EGR3: variants seen among roughly 807,000 people sequenced by gnomAD.
EGR3 encodes early growth response protein 3.
A neutral mutation model predicts 22.4 loss-of-function variants in EGR3; 4 were observed. The ratio of observed to expected loss-of-function variants is 0.18; its 90% CI spans 0.09 to 0.41. The LOEUF (loss-of-function observed/expected upper bound fraction) is 0.41, where lower values mean the gene tolerates loss of function less well. Among genes scored for constraint, EGR3 ranks in the 10% least tolerant of loss-of-function variants. EGR3 has a pLI of 1.00. For synonymous variants in EGR3, 219 were observed against 226.8 expected (o/e 0.97, Z 0.31); for missense variants, 315 against 541.3 (o/e 0.58, Z 4.15).
Position 22,690,439 on chromosome 8 carries a change from G to A in EGR3, c.*34C>T, listed in dbSNP as rs1000336113. ...TTCAGGCTAGCAGCCGGGAGGCACTGGAGGGGAAAAGTGGGGATCTGGGGG... is the reference window on the plus strand; with the variant it reads ...TTCAGGCTAGCAGCCGGGAGGCACTAGAGGGGAAAAGTGGGGATCTGGGGG... On this transcript the variant is annotated 3_prime_UTR_variant, in exon 2 of 2. Coordinates refer to ENST00000317216, the MANE Select transcript of EGR3 (RefSeq NM_004430.3). 3.9e-6 allele frequency: 6 copies of A among 1,557,380 alleles called. No homozygotes were observed. The highest frequency in any genetic ancestry group is 5.2e-6 in the Non-Finnish European group (6 of 1,147,874).
chr8:22,693,253 TG>T lies in EGR3; in HGVS notation c.-310del, dbSNP rs1157364122. 19 of 26,180 alleles carry T rather than the reference TG, an allele frequency of 7.3e-4. No individual in the cohort carries two copies. The highest frequency in any genetic ancestry group is 1.1e-3 in the African/African-American group (8 of 7,214). The allele number at this position is 26,180 out of a possible 1,614,324, so 1.6% of individuals were successfully genotyped here. A position where few individuals can be genotyped will look rare whatever the true frequency, so the allele number is the denominator to read the frequency against. On this transcript the variant is annotated 5_prime_UTR_variant, in exon 1 of 2. Coordinates refer to ENST00000317216, the MANE Select transcript of EGR3 (RefSeq NM_004430.3). ...GCGGGGGGTGGGGTGGGGGCTGGGC[TG>T]GGGGGGGATCTCGGCTCAAGGGGGT...
At position 22,689,681 on chromosome 8, in the gene EGR3, G is replaced by A. The variant is rs1486083129; in HGVS notation, c.*792C>T. ...CCTAAGAGGGAAGCGCTCAGAAAAG[G>A]AGGGGTTCTGAGGGGCCAAACCCGA... On this transcript the variant is annotated 3_prime_UTR_variant, in exon 2 of 2. Coordinates refer to ENST00000317216, the MANE Select transcript of EGR3 (RefSeq NM_004430.3). The A allele has an allele frequency of 6.6e-6, 1 of 152,650 alleles. No homozygotes were observed. Among genetic ancestry groups the A allele is most frequent in the Non-Finnish European group, 1.5e-5 (1 of 68,068 alleles). The allele number at this position is 152,650 out of a possible 1,614,324, so 9.5% of individuals were successfully genotyped here.
chr8:22,692,644 T>G lies in EGR3; in HGVS notation c.154+147A>C. ...CCGCAAAATTCCCAGCGCGCCCCCA[T>G]CTCTCCATCCATTTATCTATCCACC... is the stretch of plus-strand genomic sequence containing the variant. On this transcript the variant is annotated intron_variant, in intron 1 of 1. Coordinates refer to ENST00000317216, the MANE Select transcript of EGR3 (RefSeq NM_004430.3). This position sits in a 1 kb window ranked among gnomAD's most constrained non-coding sequence, Gnocchi z 6.2. 6 of 1,395,808 alleles carry G rather than the reference T, an allele frequency of 4.3e-6. No individual in the cohort carries two copies. The highest frequency in any genetic ancestry group is 5.7e-6 in the Non-Finnish European group (6 of 1,056,326). The allele number at this position is 1,395,808 out of a possible 1,614,324, so 86.5% of individuals were successfully genotyped here. A position where few individuals can be genotyped will look rare whatever the true frequency, so the allele number is the denominator to read the frequency against.
In EGR3 at chr8:22,689,811, C is replaced by T. The variant is rs1299780953; in HGVS notation, c.*662G>A. ...CCTCCTCCAGCCACGTGCGGACCCCCAGCATGGGACATCTCCCAGCGGCTT... is the reference window on the plus strand; with the variant it reads ...CCTCCTCCAGCCACGTGCGGACCCCTAGCATGGGACATCTCCCAGCGGCTT... On this transcript the variant is annotated 3_prime_UTR_variant, in exon 2 of 2. Coordinates refer to ENST00000317216, the MANE Select transcript of EGR3 (RefSeq NM_004430.3). 6.5e-6 allele frequency: 1 copy of T among 152,816 alleles called. No homozygotes were observed. The highest frequency in any genetic ancestry group is 1.5e-5 in the Non-Finnish European group (1 of 68,150). 9.5% of individuals were successfully genotyped at this position (152,816 alleles called of 1,614,324 possible). A position where few individuals can be genotyped will look rare whatever the true frequency, so the allele number is the denominator to read the frequency against.
At position 22,692,655 on chromosome 8, in the gene EGR3, A is replaced by T. The variant is rs1195343734; in HGVS notation, c.154+136T>A. On this transcript the variant is annotated intron_variant, in intron 1 of 1. Transcript: ENST00000317216. The surrounding 1 kb of genome is among the most constrained non-coding windows in gnomAD (Gnocchi z 6.2). ...CCAGCGCGCCCCCATCTCTCCATCC[A>T]TTTATCTATCCACCCATCCACCCAT... 6.2e-6 allele frequency: 9 copies of T among 1,445,252 alleles called. No homozygotes were observed. The highest frequency in any genetic ancestry group is 5.5e-6 in the Non-Finnish European group (6 of 1,090,470). The allele number at this position is 1,445,252 out of a possible 1,614,324, so 89.5% of individuals were successfully genotyped here.
intron 1 of EGR3, chr8:22,691,765 C>A (rs887796604): frequency 5.1e-6 from 5 of 985,440 alleles, no homozygotes; most frequent in Non-Finnish European, 6.0e-6. Context: ...CGCGCGCGCG[C>A]GAGAAGCATT....
rs1157605258 is a variant in EGR3, at chr8:22,690,653, C to G, written c.984G>C (p.Thr328=). ...ACTCGCAGGCAAAGGGCTTCTCGCC[C>G]GTATGAGTGCGGATGTGAGTGGTGA... is the stretch of plus-strand genomic sequence containing the variant. ...DHLTTHIRTH[T]GEKPFACEFC... is the part of the protein sequence containing the mutation. Residue 328 remains threonine (T), a synonymous_variant, in exon 2 of 2, where the codon ACG becomes ACC. Coordinates refer to ENST00000317216, the MANE Select transcript of EGR3 (RefSeq NM_004430.3). 4.3e-6 allele frequency: 7 copies of G among 1,614,098 alleles called. No individual in the cohort carries two copies. The highest frequency in any genetic ancestry group is 2.2e-5 in the South Asian group (2 of 91,076).
Position 22,692,441 on chromosome 8 carries a change from GC to G in EGR3, c.154+349del, listed in dbSNP as rs1804004036. On this transcript the variant is annotated intron_variant, in intron 1 of 1. Transcript: ENST00000317216. The surrounding 1 kb of genome is among the most constrained non-coding windows in gnomAD (Gnocchi z 6.2). Reference sequence around the variant, plus strand: ...GCGACAGCACCACGCCTTGCGCGTAGCCCGGCGATCGGGCCCCCTGCGTGGT... The same window carrying G: ...GCGACAGCACCACGCCTTGCGCGTAGCCGGCGATCGGGCCCCCTGCGTGGT... 1 of 1,423,828 alleles carries G rather than the reference GC, an allele frequency of 7.0e-7. No individual in the cohort carries two copies. Among genetic ancestry groups the G allele is most frequent in the African/African-American group, 1.4e-5 (1 of 69,050 alleles). The allele number at this position is 1,423,828 out of a possible 1,614,324, so 88.2% of individuals were successfully genotyped here.
In EGR3 at chr8:22,687,728, T is replaced by C. The variant is rs1003692482; in HGVS notation, c.*2745A>G. On this transcript the variant is annotated 3_prime_UTR_variant, in exon 2 of 2. Coordinates refer to ENST00000317216, the MANE Select transcript of EGR3 (RefSeq NM_004430.3). This position sits in a 1 kb window ranked among gnomAD's most constrained non-coding sequence, Gnocchi z 4.7. Reference sequence around the variant, plus strand: ...ATAAGGAGATTTATAGGCCGGCTGATTGTCAGCAAACACAATATATTTACT... The same window carrying C: ...ATAAGGAGATTTATAGGCCGGCTGACTGTCAGCAAACACAATATATTTACT... 2.0e-5 allele frequency: 3 copies of C among 152,670 alleles called. No homozygotes were observed. Among genetic ancestry groups the C allele is most frequent in the African/African-American group, 4.8e-5 (2 of 41,454 alleles). The allele number at this position is 152,670 out of a possible 1,614,324, so 9.5% of individuals were successfully genotyped here. A position where few individuals can be genotyped will look rare whatever the true frequency, so the allele number is the denominator to read the frequency against.
rs1803888435 is a variant in EGR3 at position 22,689,974 on chromosome 8, C to G, written c.*499G>C. ...ACACACACGCGAGCACGCACACACT[C>G]GCGCGCATCCCCGCACGCAGGCGCG... On this transcript the variant is annotated 3_prime_UTR_variant, in exon 2 of 2. Coordinates refer to ENST00000317216, the MANE Select transcript of EGR3 (RefSeq NM_004430.3). 1.2e-5 allele frequency: 2 copies of G among 168,628 alleles called. No individual in the cohort carries two copies. The highest frequency in any genetic ancestry group is 3.3e-4 in the South Asian group (2 of 6,004). 10.4% of individuals were successfully genotyped at this position (168,628 alleles called of 1,614,324 possible). A position where few individuals can be genotyped will look rare whatever the true frequency, so the allele number is the denominator to read the frequency against.
chr8:22,692,469 A>G lies in EGR3; in HGVS notation c.154+322T>C. On this transcript the variant is annotated intron_variant, in intron 1 of 1. Coordinates refer to ENST00000317216, the MANE Select transcript of EGR3 (RefSeq NM_004430.3). This position sits in a 1 kb window ranked among gnomAD's most constrained non-coding sequence, Gnocchi z 6.2. ...CGGCGATCGGGCCCCCTGCGTGGTGAGGGAGAACCCCAGAGCCGCTCGCAC... is the reference window on the plus strand; with the variant it reads ...CGGCGATCGGGCCCCCTGCGTGGTGGGGGAGAACCCCAGAGCCGCTCGCAC... 7.0e-7 allele frequency: 1 copy of G among 1,423,472 alleles called. No individual in the cohort carries two copies. 88.2% of individuals were successfully genotyped at this position (1,423,472 alleles called of 1,614,324 possible). A position where few individuals can be genotyped will look rare whatever the true frequency, so the allele number is the denominator to read the frequency against.
rs201598642 is a variant in EGR3, at chr8:22,690,516, G to A, written c.1121C>T (p.Ala374Val). 27 of 1,610,146 alleles carry A rather than the reference G, an allele frequency of 1.7e-5. No individual in the cohort carries two copies. Among genetic ancestry groups the A allele is most frequent in the Non-Finnish European group, 9.3e-6 (11 of 1,178,012 alleles). Reference sequence around the variant, plus strand: ...CACGGGGGCCAGCGACACGGGGGGCGCCGAGGATGCAGAGGGTGCACCGCC... The same window carrying A: ...CACGGGGGCCAGCGACACGGGGGGCACCGAGGATGCAGAGGGTGCACCGCC... ...EKGGAPSASS[A>V]PPVSLAPVVT... Residue 374 changes from alanine to valine, a missense_variant, in exon 2 of 2, where the codon GCG becomes GTG. Transcript: ENST00000317216.
Position 22,691,127 on chromosome 8 carries a change from G to T in EGR3, c.510C>A (p.Ala170=), listed in dbSNP as rs1454191877. 1 of 1,614,026 alleles carries T rather than the reference G, an allele frequency of 6.2e-7. No individual in the cohort carries two copies. Among genetic ancestry groups the T allele is most frequent in the Non-Finnish European group, 8.5e-7 (1 of 1,180,032 alleles). Residue 170 remains alanine (A), a synonymous_variant, in exon 2 of 2, where the codon GCC becomes GCA. Coordinates refer to ENST00000317216, the MANE Select transcript of EGR3 (RefSeq NM_004430.3). The stretch of plus-strand genomic sequence containing the variant: ...CCGATTGGTAATCCTGGGGGGAATA[G>T]GCGAGCCCGGGATTGCCCTGGGGGT... ...FHDPQGNPGL[A]YSPQDYQSAK...
chr8:22,692,619 C>G lies in EGR3; in HGVS notation c.154+172G>C. 1 of 1,440,708 alleles carries G rather than the reference C, an allele frequency of 6.9e-7. No homozygotes were observed. Among genetic ancestry groups the G allele is most frequent in the Non-Finnish European group, 9.1e-7 (1 of 1,096,526 alleles). The allele number at this position is 1,440,708 out of a possible 1,614,324, so 89.2% of individuals were successfully genotyped here. On this transcript the variant is annotated intron_variant, in intron 1 of 1. Transcript: ENST00000317216. This position sits in a 1 kb window ranked among gnomAD's most constrained non-coding sequence, Gnocchi z 6.2. ...GTGGGTGGGAAAAGCAACTCGCCCCCCGCAAAATTCCCAGCGCGCCCCCAT... is the reference window on the plus strand; with the variant it reads ...GTGGGTGGGAAAAGCAACTCGCCCCGCGCAAAATTCCCAGCGCGCCCCCAT...
At position 22,691,034 on chromosome 8, in the gene EGR3, G is replaced by C. The variant is rs1257225292; in HGVS notation, c.603C>G (p.Asn201Lys). ...IPDYNLYHHP[N>K]DMGSIPEHKP... ...TGTGCTCCGGAATGGAGCCCATGTC[G>C]TTGGGGTGGTGGTAGAGGTTGTAGT... Residue 201 changes from asparagine to lysine, a missense_variant, in exon 2 of 2, where the codon AAC becomes AAG. Transcript: ENST00000317216. The C allele has an allele frequency of 6.2e-7, 1 of 1,602,928 alleles. No individual in the cohort carries two copies. The highest frequency in any genetic ancestry group is 8.5e-7 in the Non-Finnish European group (1 of 1,172,532).
chr8:22,689,578 A>T lies in EGR3; in HGVS notation c.*895T>A, dbSNP rs1391593371. The stretch of plus-strand genomic sequence containing the variant: ...AACATAGATTTCTTAGAGTGGGGCT[A>T]AGGAAATACACATATATTTTAAAAG... On this transcript the variant is annotated 3_prime_UTR_variant, in exon 2 of 2. Coordinates refer to ENST00000317216, the MANE Select transcript of EGR3 (RefSeq NM_004430.3). 6.6e-6 allele frequency: 1 copy of T among 152,620 alleles called. No homozygotes were observed. The highest frequency in any genetic ancestry group is 1.5e-5 in the Non-Finnish European group (1 of 68,042). The allele number at this position is 152,620 out of a possible 1,614,324, so 9.5% of individuals were successfully genotyped here.
Position 22,692,618 on chromosome 8 carries a change from C to T in EGR3, c.154+173G>A. 1 of 1,440,958 alleles carries T rather than the reference C, an allele frequency of 6.9e-7. No homozygotes were observed. Among genetic ancestry groups the T allele is most frequent in the South Asian group, 1.4e-5 (1 of 70,740 alleles). 89.3% of individuals were successfully genotyped at this position (1,440,958 alleles called of 1,614,324 possible). ...AGTGGGTGGGAAAAGCAACTCGCCC[C>T]CCGCAAAATTCCCAGCGCGCCCCCA... On this transcript the variant is annotated intron_variant, in intron 1 of 1. Coordinates refer to ENST00000317216, the MANE Select transcript of EGR3 (RefSeq NM_004430.3). The surrounding 1 kb of genome is among the most constrained non-coding windows in gnomAD (Gnocchi z 6.2).
Position 22,690,481 on chromosome 8 carries a change from AGGT to A in EGR3, c.1153_1155del (p.Thr385del). 6.2e-7 allele frequency: 1 copy of A among 1,602,720 alleles called. No individual in the cohort carries two copies. The stretch of plus-strand genomic sequence containing the variant: ...ATCTGGGGGCCCGATCCTCAGGCGC[AGGT>A]GGTGACCACGGGGGCCAGCGACACG... On this transcript the variant is annotated inframe_deletion, in exon 2 of 2. Transcript: ENST00000317216.
rs1228367391 is a variant in EGR3 at position 22,689,535 on chromosome 8, GC to G, written c.*937del. 1.3e-5 allele frequency: 2 copies of G among 152,556 alleles called. No homozygotes were observed. Among genetic ancestry groups the G allele is most frequent in the Non-Finnish European group, 2.9e-5 (2 of 68,006 alleles). 9.5% of individuals were successfully genotyped at this position (152,556 alleles called of 1,614,324 possible). A position where few individuals can be genotyped will look rare whatever the true frequency, so the allele number is the denominator to read the frequency against. On this transcript the variant is annotated 3_prime_UTR_variant, in exon 2 of 2. Transcript: ENST00000317216. ...GGGGAGAAGGGGAAGGAGTGGGAGGGCAGGGGGCAAACTCAGGAACATAGAT... is the reference window on the plus strand; with the variant it reads ...GGGGAGAAGGGGAAGGAGTGGGAGGGAGGGGGCAAACTCAGGAACATAGAT...
Sources: allele counts gnomAD v4.1 joint callset, GRCh38; gene constraint gnomAD v4.1.1; non-coding constraint Gnocchi (gnomAD v3.1); transcripts MANE v1.5; gene names NCBI Gene and HGNC (gene_info 2026-07-23, HGNC 2026-07-21).